The following ZEB1 variants were observed in gnomAD, a reference collection of about 807,000 sequenced individuals.
ZEB1 encodes zinc finger E-box binding homeobox 1.
ZEB1 carries 21 observed loss-of-function variants against 84.9 expected under a neutral mutation model. The observed-to-expected ratio is 0.25, with a 90% CI of 0.18 to 0.36. ZEB1 has a LOEUF of 0.36. Ranked by LOEUF, ZEB1 falls within the 10% of genes least tolerant of loss-of-function variation. The pLI is 1.00. For missense variants in ZEB1, 1,104 were observed against 1,330.2 expected (o/e 0.83, Z 2.65); for synonymous variants, 420 against 471.1 (o/e 0.89, Z 1.41).
intron 1 of ZEB1, among the ~76,000 whole-genome samples, chr10:31,343,987 G>A (rs1389326256): frequency 6.6e-6 from 1 of 152,044 alleles, no homozygotes; most frequent in Admixed American, 6.6e-5. Context: ...CTTGGGGAAG[G>A]GGTGACATTT....
intron 6 of ZEB1, among the ~76,000 whole-genome samples, chr10:31,515,561 A>T (rs2070925258): frequency 6.6e-6 from 1 of 152,064 alleles, no homozygotes; most frequent in South Asian, 2.1e-4. Flanking sequence ...TTTTACAAAC[A>T]TCTTCCTACA....
intron 1 of ZEB1, among the ~76,000 whole-genome samples, chr10:31,390,767 G>A (rs969098673): frequency 7.2e-5 from 11 of 152,160 alleles, no homozygotes; most frequent in Admixed American, 6.6e-4. Flanking sequence ...TTAAGTACTT[G>A]TAATTCTTAG....
intron 1 of ZEB1, among the ~76,000 whole-genome samples, chr10:31,430,063 G>A (rs114518940): frequency 0.012 from 1,859 of 152,130 alleles, 38 homozygotes; most frequent in African/African-American, 0.043. Flanking sequence ...TTTACTTGAG[G>A]GAAGGATTGA....
chr10:31,362,057 C>T (rs1349872793), intron 1 of ZEB1, among the ~76,000 whole-genome samples: 4 of 149,722 alleles, frequency 2.7e-5, no homozygotes, highest in Admixed American at 6.6e-5. Context: ...GGGGCAGAGG[C>T]GCTCCTCATT....
At chr10:31,319,368 G>A (rs2033045456) in intron 1 of ZEB1, 76 bp downstream of exon 1, 48 of 1,467,618 alleles carry the variant, frequency 3.3e-5, no homozygotes, top group Non-Finnish European at 4.4e-5. Context: ...GGGGTGAGGG[G>A]GGCGAGCCGG....
intron 1 of ZEB1, among the ~76,000 whole-genome samples, chr10:31,403,503 A>C (rs2052441324): frequency 6.6e-6 from 1 of 151,976 alleles, no homozygotes; most frequent in Non-Finnish European, 1.5e-5. Context: ...AATTATTTTA[A>C]AAATATTTAG....
rs531493580 is a variant in ZEB1, at chr10:31,328,016, A to G, written c.58+8724A>G. On this transcript the variant is annotated intron_variant, in intron 1 of 8. Transcript: ENST00000424869. ...GGATAGATTTCCATTTCTCTTGTGT[A>G]TTTAAGATGATAATCCCCAACGTTT... Among the ~76,000 whole-genome samples, 19 of 151,994 alleles carry G rather than the reference A, an allele frequency of 1.3e-4. 1 individual carries two copies. The highest frequency in any genetic ancestry group is 3.1e-4 in the African/African-American group (13 of 41,442).
At chr10:31,355,054 G>C (rs751643034) in intron 1 of ZEB1, 3 of 151,964 alleles carry the variant, frequency 2.0e-5, no homozygotes, top group Non-Finnish European at 4.4e-5. Context: ...TGATATCTTT[G>C]GTAAGACTCC....
At chr10:31,447,162 T>A (rs1479749012) in intron 1 of ZEB1, among the ~76,000 whole-genome samples, 2 of 152,064 alleles carry the variant, frequency 1.3e-5, no homozygotes, top group Non-Finnish European at 2.9e-5. Flanking sequence ...CCTTTACCAT[T>A]ATGTAATGGC....
At chr10:31,447,355 T>C (rs1453640495) in intron 1 of ZEB1, among the ~76,000 whole-genome samples, 4 of 129,164 alleles carry the variant, frequency 3.1e-5, no homozygotes, top group African/African-American at 9.0e-5. Context: ...TGATGGGTCT[T>C]GACTCTTTAT....
At chr10:31,473,312 A>C (rs1223252845) in intron 2 of ZEB1, among the ~76,000 whole-genome samples, 1 of 147,488 alleles carries the variant, frequency 6.8e-6, no homozygotes, top group African/African-American at 2.5e-5. Context: ...AGAAAACCCC[A>C]TTGTCTCAGC....
At chr10:31,514,336 TA>T (rs2070679076) in intron 5 of ZEB1, among the ~76,000 whole-genome samples, 1 of 152,178 alleles carries the variant, frequency 6.6e-6, no homozygotes, top group Admixed American at 6.5e-5. Context: ...TCTGATACTT[TA>T]GAAAGTTGGT....
rs555523664 is a variant in ZEB1 at position 31,355,928 on chromosome 10, T to C, written c.58+36636T>C. Among the ~76,000 whole-genome samples, 3 of 152,246 alleles carry C rather than the reference T, an allele frequency of 2.0e-5. No homozygotes were observed. The South Asian group carries it at 6.2e-4, about 32-fold the overall frequency. ...AAATCATGAGTCTGACTATAGTATA[T>C]ATAGAAGCATTGTTGTTAGATGCTA... On this transcript the variant is annotated intron_variant, in intron 1 of 8. Transcript: ENST00000424869.
chr10:31,443,568 C>T (rs1162172887), intron 1 of ZEB1, among the ~76,000 whole-genome samples: 1 of 119,702 alleles, frequency 8.4e-6, no homozygotes, highest in Non-Finnish European at 1.7e-5. Flanking sequence ...CCCCCTCCCC[C>T]CACCCCACAA....
At chr10:31,505,097 A>G (rs2068751351) in intron 4 of ZEB1, among the ~76,000 whole-genome samples, 1 of 151,860 alleles carries the variant, frequency 6.6e-6, no homozygotes, top group Admixed American at 6.6e-5. Flanking sequence ...GTCCTTTATT[A>G]TATGGAGGTG....
intron 1 of ZEB1, among the ~76,000 whole-genome samples, chr10:31,386,292 T>C (rs2135066531): frequency 6.6e-6 from 1 of 151,920 alleles, no homozygotes; most frequent in South Asian, 2.1e-4. Context: ...ATTTATAGTA[T>C]TTTTGTCATT....
intron 1 of ZEB1, among the ~76,000 whole-genome samples, chr10:31,324,425 T>C (rs753688274): frequency 2.6e-5 from 4 of 152,090 alleles, no homozygotes; most frequent in Non-Finnish European, 4.4e-5. Flanking sequence ...TAAATCACTT[T>C]TAAGCATGTG....
Position 31,527,321 on chromosome 10 carries a change from T to C in ZEB1, c.*57T>C. On this transcript the variant is annotated 3_prime_UTR_variant, in exon 9 of 9. Transcript: ENST00000424869. ...TGATAATGAATTTCGTTCAATATTA[T>C]CCTTGCTTTTCATGGAAACACAGTA... 6.5e-7 allele frequency: 1 copy of C among 1,541,284 alleles called. No homozygotes were observed. The highest frequency in any genetic ancestry group is 8.7e-7 in the Non-Finnish European group (1 of 1,146,348).
At chr10:31,375,086 C>CACACACACACACACAGAGA in intron 1 of ZEB1, 1 of 140,854 alleles carries the variant, frequency 7.1e-6, no homozygotes, top group Non-Finnish European at 1.5e-5. Flanking sequence ...CACACACACA[C>CACACACACACACACAGAGA]ACACAGAGAA....
Sources: gnomAD v4.1 joint callset for allele counts (sites outside exome capture counted in the v4.1 genomes callset) on GRCh38, gnomAD v4.1.1 for gene constraint, MANE v1.5 for transcripts, NCBI Gene and HGNC (gene_info 2026-07-23, HGNC 2026-07-21) for gene names.